Variants in BDH1 observed in about 807,000 individuals in gnomAD.
BDH1 encodes D-beta-hydroxybutyrate dehydrogenase, mitochondrial.
BDH1 carries 30 observed loss-of-function variants against 33.1 expected under a neutral mutation model. That is an observed-to-expected ratio of 0.91 (90% confidence interval 0.68 to 1.23). The LOEUF (loss-of-function observed/expected upper bound fraction) is 1.23. Among genes scored for constraint, BDH1 ranks in the 50% most tolerant of loss-of-function variants. The pLI is 0.00. For synonymous variants in BDH1, 190 were observed against 183.6 expected (o/e 1.03, Z -0.28); for missense variants, 443 against 464.4 (o/e 0.95, Z 0.42).
rs544115392 is a variant in BDH1 at position 197,510,242 on chromosome 3, T to C, written c.*1653A>G. On this transcript the variant is annotated 3_prime_UTR_variant, in exon 8 of 8. Coordinates refer to ENST00000392379, the MANE Select transcript of BDH1 (RefSeq NM_203314.3). ...TCCGAAGCGCGAATCCCGAACGCCG[T>C]GAGAAACCTCAGGCTCGGGCGGCAG... The C allele has an allele frequency of 6.6e-6, 1 of 152,376 alleles. No individual in the cohort carries two copies. Among genetic ancestry groups the C allele is most frequent in the South Asian group, 2.1e-4 (1 of 4,834 alleles). The allele number at this position is 152,376 out of a possible 1,614,324, so 9.4% of individuals were successfully genotyped here.
intron 7 of BDH1, among the ~76,000 whole-genome samples, chr3:197,513,580 G>C (rs1047149305): frequency 3.9e-5 from 6 of 152,348 alleles, no homozygotes; most frequent in Admixed American, 3.3e-4. Context: ...TCCTGGGGGA[G>C]GCACCTTTCA....
chr3:197,519,740 C>T (rs766477195), intron 6 of BDH1, among the ~76,000 whole-genome samples: 15 of 152,058 alleles, frequency 9.9e-5, no homozygotes, highest in Non-Finnish European at 1.8e-4. Context: ...GCCATGCCCA[C>T]GGCCTGCTCT....
intron 3 of BDH1, among the ~76,000 whole-genome samples, chr3:197,541,336 T>C (rs753832217): frequency 6.6e-6 from 1 of 152,228 alleles, no homozygotes; most frequent in African/African-American, 2.4e-5. Context: ...GTTCATCTAG[T>C]CCACAGCAGT....
intron 3 of BDH1, among the ~76,000 whole-genome samples, chr3:197,541,006 C>T (rs532228764): frequency 5.2e-4 from 79 of 152,210 alleles, no homozygotes; most frequent in Non-Finnish European, 5.9e-5. Flanking sequence ...CTGGACTTCT[C>T]GGCCTTTCCT....
intron 1 of BDH1, among the ~76,000 whole-genome samples, chr3:197,570,527 A>T (rs1025374703): frequency 6.6e-6 from 1 of 152,200 alleles, no homozygotes; most frequent in African/African-American, 2.4e-5. Context: ...TGCTGTGTGC[A>T]TCTTAGGGAC....
chr3:197,542,521 C>CT (rs71164295), intron 3 of BDH1, among the ~76,000 whole-genome samples: 4,840 of 106,368 alleles, frequency 0.046, 249 homozygotes, highest in Non-Finnish European at 0.059. Context: ...TTCTTGCTTG[C>CT]TTTTTTTTTT....
At chr3:197,563,903 A>G (rs918412673) in intron 1 of BDH1, among the ~76,000 whole-genome samples, 2 of 152,144 alleles carry the variant, frequency 1.3e-5, no homozygotes, top group African/African-American at 4.8e-5. Flanking sequence ...GGAGTTTGAG[A>G]CCAGCCTGGT....
chr3:197,534,469 A>G (rs560066468), intron 3 of BDH1, among the ~76,000 whole-genome samples: 1 of 152,150 alleles, frequency 6.6e-6, no homozygotes, highest in Non-Finnish European at 1.5e-5. Context: ...TTGCTTAACT[A>G]TTTACCTACT....
chr3:197,512,732 A>G (rs1407102142), intron 7 of BDH1, among the ~76,000 whole-genome samples: 1 of 151,788 alleles, frequency 6.6e-6, no homozygotes, highest in African/African-American at 2.4e-5. Flanking sequence ...CTGAGCTTTC[A>G]CTATAGGCAA....
At chr3:197,549,652 G>C (rs1348583729) in intron 2 of BDH1, among the ~76,000 whole-genome samples, 2 of 152,214 alleles carry the variant, frequency 1.3e-5, no homozygotes, top group East Asian at 3.8e-4. Flanking sequence ...GGGCAAGCTG[G>C]GGTTATGCAG....
chr3:197,558,691 C>G (rs560978781), upstream of BDH1, among the ~76,000 whole-genome samples: 28 of 152,288 alleles, frequency 1.8e-4, no homozygotes, highest in African/African-American at 5.3e-4. Context: ...CTTATCAGAC[C>G]CCGCATGGGA....
chr3:197,534,686 G>T (rs573924480), intron 3 of BDH1, among the ~76,000 whole-genome samples: 9 of 152,320 alleles, frequency 5.9e-5, no homozygotes, highest in African/African-American at 2.2e-4. Context: ...GTACGCTACA[G>T]CCCCAGTGGC....
intron 3 of BDH1, 159 bp from the exon 4 acceptor site, chr3:197,533,720 C>G (rs1170465600): frequency 1.1e-5 from 7 of 666,076 alleles, no homozygotes; most frequent in Non-Finnish European, 1.8e-5. Flanking sequence ...GGGTTGCTGG[C>G]TGATAGAAAG....
At chr3:197,543,023 A>C (rs755563396) in intron 3 of BDH1, 10 of 985,340 alleles carry the variant, frequency 1.0e-5, no homozygotes, top group Non-Finnish European at 1.2e-5. Context: ...AGCGCTCCCT[A>C]TGCTGGCCAG....
intron 1 of BDH1, among the ~76,000 whole-genome samples, chr3:197,568,926 A>T (rs1717518371): frequency 6.6e-6 from 1 of 152,214 alleles, no homozygotes; most frequent in Non-Finnish European, 1.5e-5. Flanking sequence ...TTGCAATAAT[A>T]CTACAATTTA....
intron 2 of BDH1, among the ~76,000 whole-genome samples, chr3:197,552,338 G>T (rs183877677): frequency 6.6e-6 from 1 of 152,042 alleles, no homozygotes; most frequent in Non-Finnish European, 1.5e-5. Context: ...TAGACTCTCC[G>T]CTTCCACTGT....
At chr3:197,557,459 T>C (rs1344287202), upstream of BDH1, among the ~76,000 whole-genome samples, 1 of 152,124 alleles carries the variant, frequency 6.6e-6, no homozygotes, top group African/African-American at 2.4e-5. This position sits in a 1 kb window ranked among gnomAD's most constrained non-coding sequence, Gnocchi z 4.6. Context: ...TAAAGAAAAC[T>C]GTAGACCGGG....
At chr3:197,546,261 G>T in intron 3 of BDH1, 100 bp downstream of exon 3, 1 of 1,154,898 alleles carries the variant, frequency 8.7e-7, no homozygotes, top group Non-Finnish European at 1.3e-6. Context: ...AGACATCTCT[G>T]AGAATCAGGC....
Position 197,511,171 on chromosome 3 carries a change from G to A in BDH1, c.*724C>T, listed in dbSNP as rs918698338. The stretch of plus-strand genomic sequence containing the variant: ...GAACCAGGGAGGCGGAGGTTGCAGT[G>A]AGCGGAGATGGTGCCATTGCACTCC... On this transcript the variant is annotated 3_prime_UTR_variant, in exon 8 of 8. Coordinates refer to ENST00000392379, the MANE Select transcript of BDH1 (RefSeq NM_203314.3). The A allele has an allele frequency of 6.6e-6, 1 of 152,380 alleles. No individual in the cohort carries two copies. The highest frequency in any genetic ancestry group is 2.4e-5 in the African/African-American group (1 of 41,460). The allele number at this position is 152,380 out of a possible 1,614,324, so 9.4% of individuals were successfully genotyped here. A position where few individuals can be genotyped will look rare whatever the true frequency, so the allele number is the denominator to read the frequency against.
Sources: gnomAD v4.1 joint callset for allele counts (sites outside exome capture counted in the v4.1 genomes callset) on GRCh38, gnomAD v4.1.1 for gene constraint, Gnocchi (gnomAD v3.1) non-coding constraint, MANE v1.5 for transcripts, NCBI Gene and HGNC (gene_info 2026-07-23, HGNC 2026-07-21) for gene names.